Variants in TTPA observed in about 807,000 individuals in gnomAD.
TTPA encodes alpha tocopherol transfer protein.
In TTPA, 23 loss-of-function variants were observed where a neutral mutation model predicts 25.9. The ratio of observed to expected loss-of-function variants is 0.89; its 90% CI spans 0.64 to 1.26. The LOEUF is 1.26. Ranked by LOEUF, TTPA falls within the 50% of genes most tolerant of loss-of-function variation. The pLI is 0.00. For synonymous variants in TTPA, 148 were observed against 137.3 expected, an observed-to-expected ratio of 1.08 and a Z score of -0.54; for missense variants, 337 against 353.1, an observed-to-expected ratio of 0.95 and a Z score of 0.37.
chr8:63,072,887 A>G (rs770928018), intron 2 of TTPA, 48 bp downstream of exon 2: 4 of 1,608,884 alleles, frequency 2.5e-6, no homozygotes, highest in Non-Finnish European at 3.4e-6. Context: ...AGGGAACACA[A>G]CTGAACTGGA....
Position 63,073,086 on chromosome 8 carries a change from TA to T in TTPA, c.206del (p.Leu69TyrfsTer2). 6.2e-7 allele frequency: 1 copy of T among 1,607,592 alleles called. No individual in the cohort carries two copies. Among genetic ancestry groups the T allele is most frequent in the Non-Finnish European group, 8.5e-7 (1 of 1,175,186 alleles). On this transcript the variant is annotated frameshift_variant and splice_region_variant, in exon 2 of 5. Coordinates refer to ENST00000260116, the MANE Select transcript of TTPA (RefSeq NM_000370.3). LOFTEE classifies it high-confidence loss of function. ...CTCTCCACTTATAATAGTTTTTTAG[TA>T]ACTGAAAAATAAAATTAAAATTGTC... is the stretch of plus-strand genomic sequence containing the variant. ...RDFDLDLAWR[L>X]LKNYYKWRAE...
intron 1 of TTPA, among the ~76,000 whole-genome samples, chr8:63,078,272 C>T (rs748077116): frequency 6.6e-6 from 1 of 152,162 alleles, no homozygotes; most frequent in African/African-American, 2.4e-5. Flanking sequence ...ACCAGAGCGC[C>T]TCTTCTCCTC....
rs1460355866 is a variant in TTPA, at chr8:63,085,953, C to T, written c.69G>A (p.Leu23=). The T allele has an allele frequency of 6.6e-7, 1 of 1,525,562 alleles. No individual in the cohort carries two copies. The highest frequency in any genetic ancestry group is 2.0e-5 in the Admixed American group (1 of 50,522). The allele number at this position is 1,525,562 out of a possible 1,614,324, so 94.5% of individuals were successfully genotyped here. ...GCAGCGCCGCCAGGCCCGGCTGCAG[C>T]AACGGAGAGTGGTCCGGTAGCGCGT... The part of the protein sequence containing the change: ...QLNALPDHSP[L]LQPGLAALRR... The change falls in exon 1 of 5, where the codon TTG becomes TTA. Residue 23 remains leucine (L), a synonymous_variant. Transcript: ENST00000260116.
chr8:63,085,896 G>A lies in TTPA; in HGVS notation c.126C>T (p.Leu42=), dbSNP rs763889339. The A allele has an allele frequency of 5.0e-5, 76 of 1,530,008 alleles. No homozygotes were observed. In the South Asian group the frequency reaches 8.4e-4, roughly 17 times the overall value. The allele number at this position is 1,530,008 out of a possible 1,614,324, so 94.8% of individuals were successfully genotyped here. ...AGGAGTCGGTGAGCGGCAGCGGCGC[G>A]AGCGGGACGCCAGCTTCCCGGGCCC... is the stretch of plus-strand genomic sequence containing the variant. ...RRRAREAGVP[L]APLPLTDSFL... Residue 42 remains leucine (L), a synonymous_variant, in exon 1 of 5, where the codon CTC becomes CTT. Transcript: ENST00000260116.
chr8:63,083,988 G>A (rs1034511999), intron 1 of TTPA, among the ~76,000 whole-genome samples: 5 of 151,584 alleles, frequency 3.3e-5, no homozygotes, highest in African/African-American at 7.3e-5. Context: ...GGGCTCAAGC[G>A]ATTCTCCCAC....
intron 2 of TTPA, 104 bp downstream of exon 2, chr8:63,072,831 A>G: frequency 7.4e-7 from 1 of 1,352,226 alleles, no homozygotes; most frequent in Non-Finnish European, 1.0e-6. Flanking sequence ...AGCTTTCTAT[A>G]TGGTATTCAA....
At chr8:63,058,567 T>C (rs897580081), downstream of TTPA, among the ~76,000 whole-genome samples, 1 of 152,228 alleles carries the variant, frequency 6.6e-6, no homozygotes, top group Admixed American at 6.5e-5. Context: ...TTATTTGCTT[T>C]GACACTTTAT....
intron 1 of TTPA, among the ~76,000 whole-genome samples, chr8:63,078,408 C>T (rs1805606561): frequency 6.6e-6 from 1 of 152,132 alleles, no homozygotes; most frequent in Non-Finnish European, 1.5e-5. Flanking sequence ...GGAGCATGTT[C>T]AAACCCAACA....
intron 1 of TTPA, among the ~76,000 whole-genome samples, chr8:63,084,366 G>A (rs1025392886): frequency 3.3e-5 from 5 of 152,310 alleles, no homozygotes; most frequent in Admixed American, 6.5e-5. Flanking sequence ...AACCACAGCC[G>A]CCTTGTTGAC....
chr8:63,058,669 T>C (rs906585522), downstream of TTPA, among the ~76,000 whole-genome samples: 1 of 152,224 alleles, frequency 6.6e-6, no homozygotes, highest in Non-Finnish European at 1.5e-5. Context: ...AAAATATGCC[T>C]AGATTAACTG....
At chr8:63,065,626 A>G (rs1389851101) in intron 3 of TTPA, among the ~76,000 whole-genome samples, 1 of 152,172 alleles carries the variant, frequency 6.6e-6, no homozygotes, top group East Asian at 1.9e-4. Context: ...TTTAGGAAAA[A>G]AAGTTAATGA....
At chr8:63,067,723 A>T (rs1805416368) in intron 2 of TTPA, among the ~76,000 whole-genome samples, 1 of 152,056 alleles carries the variant, frequency 6.6e-6, no homozygotes, top group Admixed American at 6.6e-5. Context: ...CAGGTATGTG[A>T]GCACAGTACC....
At chr8:63,076,246 G>A (rs1338943394) in intron 1 of TTPA, among the ~76,000 whole-genome samples, 1 of 152,114 alleles carries the variant, frequency 6.6e-6, no homozygotes, top group Non-Finnish European at 1.5e-5. Flanking sequence ...AAGCACATTA[G>A]CTATTAGGAT....
In TTPA at chr8:63,060,397, G is replaced by C. The variant is rs190384822; in HGVS notation, c.*855C>G. 1 of 152,120 alleles carries C rather than the reference G, an allele frequency of 6.6e-6. No homozygotes were observed. Among genetic ancestry groups the C allele is most frequent in the Non-Finnish European group, 1.5e-5 (1 of 68,024 alleles). 9.4% of individuals were successfully genotyped at this position (152,120 alleles called of 1,614,324 possible). On this transcript the variant is annotated 3_prime_UTR_variant, in exon 5 of 5. Coordinates refer to ENST00000260116, the MANE Select transcript of TTPA (RefSeq NM_000370.3). ...AGACCTAAAGATGCCACATAGAGTA[G>C]TATGGCATATAGACTCCTCAGCTGA... is the stretch of plus-strand genomic sequence containing the variant.
downstream of TTPA, among the ~76,000 whole-genome samples, chr8:63,059,037 T>G (rs1255905771): frequency 1.9e-3 from 240 of 128,948 alleles, no homozygotes; most frequent in African/African-American, 6.4e-3. Context: ...TTTTTTTTTT[T>G]TTTTTTTTTT....
intron 2 of TTPA, among the ~76,000 whole-genome samples, chr8:63,069,789 T>G (rs548564471): frequency 1.1e-4 from 17 of 152,020 alleles, no homozygotes; most frequent in Middle Eastern, 3.4e-3. Flanking sequence ...TTTCAAGTGC[T>G]CAATAGCCAC....
rs951129782 is a variant in TTPA, at chr8:63,059,907, G to T, written c.*1345C>A. The stretch of plus-strand genomic sequence containing the variant: ...GGGTCTCCCTGTATTGCCCAGGCTG[G>T]TCTAGAACTCCTGCGCTCAAGCAAT... On this transcript the variant is annotated 3_prime_UTR_variant, in exon 5 of 5. Transcript: ENST00000260116. The T allele has an allele frequency of 6.6e-6, 1 of 152,040 alleles. No individual in the cohort carries two copies. The highest frequency in any genetic ancestry group is 1.5e-5 in the Non-Finnish European group (1 of 68,018). The allele number at this position is 152,040 out of a possible 1,614,324, so 9.4% of individuals were successfully genotyped here.
At chr8:63,085,796 C>G in intron 1 of TTPA, 22 bp downstream of exon 1, 1 of 1,531,808 alleles carries the variant, frequency 6.5e-7, no homozygotes, top group Non-Finnish European at 8.7e-7. Context: ...CACTGCCGAG[C>G]GCCCTGGGCA....
In TTPA at chr8:63,061,371, T is replaced by C; in HGVS notation, c.718A>G (p.Ile240Val). 1 of 1,614,030 alleles carries C rather than the reference T, an allele frequency of 6.2e-7. No individual in the cohort carries two copies. Among genetic ancestry groups the C allele is most frequent in the Non-Finnish European group, 8.5e-7 (1 of 1,179,950 alleles). ...TCACCACCATATTCCAGAGGAAGAA[T>C]GTCTGGGAAATGCTGAAGCAAGCTT... ...KQSLLQHFPD[I>V]LPLEYGGEEF... Residue 240 changes from isoleucine (I) to valine (V), a missense_variant, in exon 5 of 5, where the codon ATT (isoleucine) becomes GTT (valine). Transcript: ENST00000260116.
Sources: gnomAD v4.1 joint callset for allele counts (sites outside exome capture counted in the v4.1 genomes callset) on GRCh38, gnomAD v4.1.1 for gene constraint, MANE v1.5 for transcripts, NCBI Gene and HGNC (gene_info 2026-07-23, HGNC 2026-07-21) for gene names.